ZBP1: variants seen among roughly 807,000 people sequenced by gnomAD.
ZBP1 encodes Z-DNA-binding protein 1.
Under a neutral mutation model 41.1 loss-of-function variants are expected in ZBP1, and 42 were observed. The ratio of observed to expected loss-of-function variants is 1.02; its 90% CI spans 0.80 to 1.32. ZBP1 has a LOEUF of 1.32. Among genes scored for constraint, ZBP1 ranks in the 40% most tolerant of loss-of-function variants. The pLI is 0.00. For synonymous variants in ZBP1, 214 were observed against 205.2 expected, an observed-to-expected ratio of 1.04 and a Z score of -0.37; for missense variants, 562 against 549.7, an observed-to-expected ratio of 1.02 and a Z score of -0.22.
At position 57,615,004 on chromosome 20, in the gene ZBP1, C is replaced by G. The variant is rs141977359; in HGVS notation, c.385G>C (p.Ala129Pro). Reference protein sequence around the residue: ...DNGPQRALVIAQALGMRTAKD... With the variant: ...DNGPQRALVIPQALGMRTAKD... ...GCTGTCCTCATTCCCAGTGCTTGGG[C>G]GATGACCAGGGCCCTCTGGGGACCA... Residue 129 changes from alanine to proline, a missense_variant, in exon 4 of 8, where the codon GCC (alanine) becomes CCC (proline). Coordinates refer to ENST00000371173, the MANE Select transcript of ZBP1 (RefSeq NM_030776.3). 1.1e-5 allele frequency: 18 copies of G among 1,614,194 alleles called. No individual in the cohort carries two copies. The highest frequency in any genetic ancestry group is 1.4e-5 in the Non-Finnish European group (17 of 1,180,048).
At chr20:57,617,877 ATGAG>A (rs1213859156) in intron 1 of ZBP1, 1 of 151,180 alleles carries the variant, frequency 6.6e-6, no homozygotes, top group Non-Finnish European at 1.5e-5. Flanking sequence ...AAAGGACTGA[ATGAG>A]TGAGTGTCTG....
At chr20:57,607,012 A>T (rs2070514758) in intron 7 of ZBP1, 1 of 1,265,238 alleles carries the variant, frequency 7.9e-7, no homozygotes, top group South Asian at 1.3e-5. Context: ...CTAGCACAGC[A>T]TCCATTCTGC....
chr20:57,620,379 G>A lies in ZBP1; in HGVS notation c.-84C>T, dbSNP rs931269334. 8.1e-6 allele frequency: 12 copies of A among 1,483,230 alleles called. No individual in the cohort carries two copies. The highest frequency in any genetic ancestry group is 4.2e-5 in the African/African-American group (3 of 71,052). The allele number at this position is 1,483,230 out of a possible 1,614,324, so 91.9% of individuals were successfully genotyped here. Reference sequence around the variant, plus strand: ...TGGCCCTGAGAGGGTGGGCTAGGTCGAGGCTGGGGCTTCTGAAGTGGCCGA... The same window carrying A: ...TGGCCCTGAGAGGGTGGGCTAGGTCAAGGCTGGGGCTTCTGAAGTGGCCGA... On this transcript the variant is annotated 5_prime_UTR_variant, in exon 1 of 8. Coordinates refer to ENST00000371173, the MANE Select transcript of ZBP1 (RefSeq NM_030776.3).
chr20:57,610,296 C>G lies in ZBP1; in HGVS notation c.946G>C (p.Gly316Arg), dbSNP rs748788161. 2.5e-6 allele frequency: 4 copies of G among 1,614,074 alleles called. No homozygotes were observed. In the East Asian group the frequency reaches 6.7e-5, roughly 27 times the overall value. ...RIPSPGTHPE[G>R]EAAQRIHMKS... Reference sequence around the variant, plus strand: ...ATGTGGATTCTCTGGGCGGCTTCCCCCTCAGGGTGAGTTCCTGGACTGGGA... The same window carrying G: ...ATGTGGATTCTCTGGGCGGCTTCCCGCTCAGGGTGAGTTCCTGGACTGGGA... Residue 316 changes from glycine to arginine, a missense_variant, in exon 7 of 8, where the codon GGG becomes CGG. By Grantham distance (125) the Gly-to-Arg change is moderately radical. Coordinates refer to ENST00000371173, the MANE Select transcript of ZBP1 (RefSeq NM_030776.3). This position sits in a 1 kb window ranked among gnomAD's most constrained non-coding sequence, Gnocchi z 5.5.
At chr20:57,612,867 GGC>G in intron 5 of ZBP1, 1 of 1,276,612 alleles carries the variant, frequency 7.8e-7, no homozygotes, top group Non-Finnish European at 1.0e-6. Flanking sequence ...CATAAGGTCA[GGC>G]GCAACACAGA....
chr20:57,612,863 G>A, intron 5 of ZBP1: 1 of 1,253,308 alleles, frequency 8.0e-7, no homozygotes, highest in Non-Finnish European at 1.0e-6. Context: ...GAGGCATAAG[G>A]TCAGGCGCAA....
At chr20:57,612,752 C>T (rs996436984) in intron 5 of ZBP1, 9 of 312,242 alleles carry the variant, frequency 2.9e-5, no homozygotes, top group Admixed American at 2.2e-4. Context: ...TAGCGTGTCT[C>T]AGAACAAATA....
Position 57,613,213 on chromosome 20 carries a change from T to C in ZBP1, c.620A>G (p.Gln207Arg). Reference sequence around the variant, plus strand: ...TGTAATGATGTTCCCGTGTCCAATCTGGATGGCTTCGGAGTTTGCAATGGA... The same window carrying C: ...TGTAATGATGTTCCCGTGTCCAATCCGGATGGCTTCGGAGTTTGCAATGGA... The part of the protein sequence containing the change: ...WISIANSEAI[Q>R]IGHGNIITRQ... The change falls in exon 5 of 8, where the codon CAG (glutamine) becomes CGG (arginine). Residue 207 changes from glutamine (Q) to arginine (R), a missense_variant. By Grantham distance (43) the Gln-to-Arg change is conservative. Coordinates refer to ENST00000371173, the MANE Select transcript of ZBP1 (RefSeq NM_030776.3). This position sits in a 1 kb window ranked among gnomAD's most constrained non-coding sequence, Gnocchi z 4.5. The C allele has an allele frequency of 6.2e-7, 1 of 1,614,260 alleles. No homozygotes were observed. Among genetic ancestry groups the C allele is most frequent in the Non-Finnish European group, 8.5e-7 (1 of 1,180,046 alleles).
intron 7 of ZBP1, 49 bp from the exon 8 acceptor site, chr20:57,604,818 C>T (rs762942709): frequency 5.1e-5 from 79 of 1,562,200 alleles, no homozygotes; most frequent in Non-Finnish European, 6.2e-5. Flanking sequence ...GTGGCCTGGG[C>T]ATTTCCACAG....
intron 2 of ZBP1, 31 bp downstream of exon 2, chr20:57,616,213 G>A (rs1342514882): frequency 5.6e-6 from 9 of 1,606,772 alleles, no homozygotes; most frequent in Non-Finnish European, 7.7e-6. Context: ...TCCCTGCAGG[G>A]TCAGACCCGC....
rs549165323 is a variant in ZBP1, at chr20:57,613,731, G to T, written c.503-401C>A. 6.6e-6 allele frequency among the ~76,000 whole-genome samples: 1 copy of T among 152,342 alleles called. No individual in the cohort carries two copies. The highest frequency in any genetic ancestry group is 2.1e-4 in the South Asian group (1 of 4,830). ...AGCAGCCCATTGGGCCAGATCGGTC[G>T]TGTTTGGCTCCCATGACATTTTCAA... is the stretch of plus-strand genomic sequence containing the variant. On this transcript the variant is annotated intron_variant, in intron 4 of 7. Transcript: ENST00000371173. The surrounding 1 kb of genome is among the most constrained non-coding windows in gnomAD (Gnocchi z 4.5).
chr20:57,616,882 T>C, intron 1 of ZBP1: 1 of 227,762 alleles, frequency 4.4e-6, no homozygotes, highest in East Asian at 1.2e-4. Context: ...CCTGCCTGGG[T>C]TTACCTGATG....
In ZBP1 at chr20:57,613,614, G is replaced by GC. The variant is rs1250577924; in HGVS notation, c.503-285dup. Among the ~76,000 whole-genome samples, 2 of 152,270 alleles carry GC rather than the reference G, an allele frequency of 1.3e-5. No homozygotes were observed. Among genetic ancestry groups the GC allele is most frequent in the African/African-American group, 4.8e-5 (2 of 41,548 alleles). On this transcript the variant is annotated intron_variant, in intron 4 of 7. Transcript: ENST00000371173. This position sits in a 1 kb window ranked among gnomAD's most constrained non-coding sequence, Gnocchi z 4.5. ...ATTGCTGGCTGGGAGGACCGCAGGG[G>GC]CCCCACACTGCTCTCCCTAGGGGGC...
At chr20:57,616,777 G>A (rs2070847344) in intron 1 of ZBP1, 2 of 430,360 alleles carry the variant, frequency 4.6e-6, no homozygotes, top group East Asian at 4.9e-5. Flanking sequence ...CAGCTCTCAG[G>A]TGTCCTCAGG....
intron 7 of ZBP1, chr20:57,607,379 A>G (rs1422642874): frequency 1.6e-6 from 2 of 1,212,810 alleles, no homozygotes; most frequent in African/African-American, 3.1e-5. Flanking sequence ...CTGCAATCTC[A>G]TGAGAAAGCT....
Position 57,613,365 on chromosome 20 carries a change from C to T in ZBP1, c.503-35G>A, listed in dbSNP as rs1430758114. On this transcript the variant is annotated intron_variant, in intron 4 of 7. Transcript: ENST00000371173. This position sits in a 1 kb window ranked among gnomAD's most constrained non-coding sequence, Gnocchi z 4.5. ...AATATTCAACTGTATCCCTTTGCCACTGTCTATGGGTCAGGGGTTCCCAAT... is the reference window on the plus strand; with the variant it reads ...AATATTCAACTGTATCCCTTTGCCATTGTCTATGGGTCAGGGGTTCCCAAT... The T allele has an allele frequency of 1.3e-6, 2 of 1,598,514 alleles. No homozygotes were observed. The highest frequency in any genetic ancestry group is 1.7e-6 in the Non-Finnish European group (2 of 1,174,348).
At chr20:57,616,715 ACCTCGCCTGTGC>A in intron 1 of ZBP1, 1 of 538,002 alleles carries the variant, frequency 1.9e-6, no homozygotes, top group South Asian at 2.1e-5. Flanking sequence ...GGGAGGTGCC[ACCTCGCCTGTGC>A]CCTCCCCGGG....
chr20:57,614,838 G>A (rs1196358526), intron 4 of ZBP1, 49 bp downstream of exon 4: 1 of 1,606,218 alleles, frequency 6.2e-7, no homozygotes, highest in Non-Finnish European at 8.5e-7. Flanking sequence ...CCAAGCACTA[G>A]TGTCATGGTT....
At position 57,613,257 on chromosome 20, in the gene ZBP1, A is replaced by T. The variant is rs750875366; in HGVS notation, c.576T>A (p.Asn192Lys). Residue 192 changes from asparagine to lysine, a missense_variant, in exon 5 of 8, where the codon AAT becomes AAA. By Grantham distance (94) the Asn-to-Lys change is moderately conservative. Transcript: ENST00000371173. This position sits in a 1 kb window ranked among gnomAD's most constrained non-coding sequence, Gnocchi z 4.5. ...QHNPINMICQ[N>K]GPNSWISIAN... ...CAATGGAAATCCAGCTGTTGGGTCC[A>T]TTCTGGCAGATCATGTTGATTGGAT... 1.2e-6 allele frequency: 2 copies of T among 1,614,272 alleles called. No homozygotes were observed. The highest frequency in any genetic ancestry group is 2.2e-5 in the South Asian group (2 of 91,090).
Sources: allele counts gnomAD v4.1 joint callset (sites outside exome capture counted in the v4.1 genomes callset), GRCh38; gene constraint gnomAD v4.1.1; non-coding constraint Gnocchi (gnomAD v3.1); transcripts MANE v1.5; gene names NCBI Gene and HGNC (gene_info 2026-07-23, HGNC 2026-07-21).